The following MERTK variants were observed in gnomAD, a reference collection of about 807,000 sequenced individuals.
MERTK encodes the protein MER proto-oncogene, tyrosine kinase.
In MERTK, 69 loss-of-function variants were observed where a neutral mutation model predicts 99.3. That is an observed-to-expected ratio of 0.70 (90% CI 0.57 to 0.85). The LOEUF (loss-of-function observed/expected upper bound fraction) is 0.85. Ranked by LOEUF, MERTK falls within the 40% of genes least tolerant of loss-of-function variation. MERTK has a pLI of 0.00. For synonymous variants in MERTK, 426 were observed against 467.6 expected, an observed-to-expected ratio of 0.91 and a Z score of 1.15; for missense variants, 1,125 against 1,249.4, an observed-to-expected ratio of 0.90 and a Z score of 1.50.
In MERTK at chr2:112,001,237, G is replaced by A; in HGVS notation, c.1641G>A (p.Val547=). The A allele has an allele frequency of 6.2e-7, 1 of 1,613,778 alleles. No individual in the cohort carries two copies. Among genetic ancestry groups the A allele is most frequent in the Non-Finnish European group, 8.5e-7 (1 of 1,179,746 alleles). Reference sequence around the variant, plus strand: ...CAGAGGAGGATTCTGAATTAGTGGTGAATTATATAGCAAAGAAATCCTTCT... The same window carrying A: ...CAGAGGAGGATTCTGAATTAGTGGTAAATTATATAGCAAAGAAATCCTTCT... ...AFTEEDSELV[V]NYIAKKSFCR... The change falls in exon 11 of 19, where the codon GTG becomes GTA. Residue 547 remains valine, a synonymous_variant. Transcript: ENST00000295408.
intron 1 of MERTK, among the ~76,000 whole-genome samples, chr2:111,906,756 A>C (rs1334325041): frequency 1.3e-5 from 2 of 152,364 alleles, no homozygotes; most frequent in South Asian, 2.1e-4. Flanking sequence ...TAAAAAAAAG[A>C]AGCTTTTTAG....
chr2:111,945,611 A>G (rs1573590648), intron 3 of MERTK, among the ~76,000 whole-genome samples: 1 of 152,332 alleles, frequency 6.6e-6, no homozygotes. Flanking sequence ...ATGAAGGTCC[A>G]TGGGGATGAA....
intron 8 of MERTK, 43 bp downstream of exon 8, chr2:111,983,036 C>A (rs754574970): frequency 1.2e-6 from 2 of 1,611,484 alleles, no homozygotes; most frequent in Non-Finnish European, 1.7e-6. Flanking sequence ...CATCTCCTTT[C>A]AACTTGCTGG....
chr2:111,982,447 A>G (rs1676391489), intron 7 of MERTK, among the ~76,000 whole-genome samples: 1 of 152,000 alleles, frequency 6.6e-6, no homozygotes, highest in African/African-American at 2.4e-5. Context: ...CAGTGGTATG[A>G]TCATGTCTCA....
rs1684627963 is a variant in MERTK at position 111,929,432 on chromosome 2, A to T, written c.374A>T (p.Asp125Val). Residue 125 changes from aspartate to valine, a missense_variant, in exon 2 of 19, where the codon GAC (aspartate) becomes GTC (valine). Physicochemically the swap from Asp to Val is radical, Grantham distance 152 (BLOSUM62 -3). Coordinates refer to ENST00000295408, the MANE Select transcript of MERTK (RefSeq NM_006343.3). ...CSISVPNIYQ[D>V]TTISWWKDGK... Reference sequence around the variant, plus strand: ...ATCAGTGTACCTAATATATACCAGGACACCACAATTTCTTGGTGGAAAGAT... The same window carrying T: ...ATCAGTGTACCTAATATATACCAGGTCACCACAATTTCTTGGTGGAAAGAT... The T allele has an allele frequency of 6.2e-7, 1 of 1,613,974 alleles. No individual in the cohort carries two copies. The highest frequency in any genetic ancestry group is 1.3e-5 in the African/African-American group (1 of 74,904).
chr2:111,970,401 C>A (rs1676082024), intron 6 of MERTK, among the ~76,000 whole-genome samples: 2 of 152,062 alleles, frequency 1.3e-5, no homozygotes, highest in Admixed American at 1.3e-4. Flanking sequence ...AAGTGATCCA[C>A]CAGCCTCAGC....
Position 111,945,958 on chromosome 2 carries a change from G to T in MERTK, c.583+898G>T, listed in dbSNP as rs181812797. On this transcript the variant is annotated intron_variant, in intron 3 of 18. Transcript: ENST00000295408. The stretch of plus-strand genomic sequence containing the variant: ...GACCTTCCTTGTCACAGGCTTTAGA[G>T]CAGGTGATTAGCTTTTCAGTCAGAA... 3.3e-5 allele frequency among the ~76,000 whole-genome samples: 5 copies of T among 152,328 alleles called. 1 individual carries two copies. Among genetic ancestry groups the T allele is most frequent in the Admixed American group, 3.3e-4 (5 of 15,304 alleles).
At chr2:112,019,548 G>A (rs1457721909) in intron 16 of MERTK, 26 bp downstream of exon 16, 8 of 1,544,682 alleles carry the variant, frequency 5.2e-6, no homozygotes, top group Middle Eastern at 1.7e-4. Context: ...TATCCTGGAA[G>A]GGTTTGGACC....
chr2:111,901,701 A>C (rs1216392840), intron 1 of MERTK, among the ~76,000 whole-genome samples: 4 of 151,462 alleles, frequency 2.6e-5, no homozygotes, highest in African/African-American at 9.7e-5. Flanking sequence ...GACCACAGGC[A>C]CATACCACCA....
At position 111,999,000 on chromosome 2, in the gene MERTK, CATT is replaced by C. The variant is rs1484688743; in HGVS notation, c.1604+1527_1604+1529del. Among the ~76,000 whole-genome samples, 4 of 152,022 alleles carry C rather than the reference CATT, an allele frequency of 2.6e-5. No homozygotes were observed. The South Asian group carries it at 6.2e-4, about 24-fold the overall frequency. ...CTTTTATTTTTACTTATAAAAGTAA[CATT>C]ATATTTTTTTAAAAATCAGATTATA... On this transcript the variant is annotated intron_variant, in intron 10 of 18. Coordinates refer to ENST00000295408, the MANE Select transcript of MERTK (RefSeq NM_006343.3).
intron 2 of MERTK, among the ~76,000 whole-genome samples, chr2:111,942,145 T>A (rs1684876515): frequency 6.6e-6 from 1 of 152,170 alleles, no homozygotes; most frequent in Non-Finnish European, 1.5e-5. Flanking sequence ...CTGCTGCCAC[T>A]CCCGGGTCCC....
intron 8 of MERTK, among the ~76,000 whole-genome samples, chr2:111,992,786 T>G (rs978798095): frequency 6.8e-6 from 1 of 146,748 alleles, no homozygotes; most frequent in African/African-American, 2.5e-5. Context: ...AAGAAAAAAA[T>G]AATAAACCAG....
At chr2:111,926,983 G>A (rs1385719143) in intron 1 of MERTK, among the ~76,000 whole-genome samples, 3 of 152,206 alleles carry the variant, frequency 2.0e-5, no homozygotes, top group South Asian at 2.1e-4. Flanking sequence ...CCTAGCATAA[G>A]TGAACACTCC....
chr2:111,932,795 G>A (rs1184812379), intron 2 of MERTK, among the ~76,000 whole-genome samples: 1 of 152,146 alleles, frequency 6.6e-6, no homozygotes, highest in African/African-American at 2.4e-5. Context: ...AGCTTGGAAT[G>A]TTTGTATGTT....
intron 15 of MERTK, 169 bp downstream of exon 15, chr2:112,010,235 C>T: frequency 1.5e-6 from 1 of 654,984 alleles, no homozygotes; most frequent in South Asian, 1.5e-5. Flanking sequence ...ATCCTCACAG[C>T]AGGCCTGCTC....
chr2:111,981,141 A>T (rs1332859354), intron 7 of MERTK, among the ~76,000 whole-genome samples: 3 of 152,208 alleles, frequency 2.0e-5, no homozygotes, highest in African/African-American at 7.2e-5. Flanking sequence ...ATCAGCAGAG[A>T]AAAAGAGGGT....
chr2:111,939,994 G>T (rs867036577), intron 2 of MERTK, among the ~76,000 whole-genome samples: 1 of 151,880 alleles, frequency 6.6e-6, no homozygotes, highest in Admixed American at 6.6e-5. Context: ...GTCTAATCAG[G>T]TTCCCTCTGG....
chr2:111,980,913 C>G (rs931666778), intron 7 of MERTK, among the ~76,000 whole-genome samples: 1 of 152,166 alleles, frequency 6.6e-6, no homozygotes. Context: ...ACTGTTGACT[C>G]CTCTTTGCCT....
rs534493959 is a variant in MERTK at position 111,995,542 on chromosome 2, G to C, written c.1450+1138G>C. The C allele has an allele frequency of 4.8e-5, 9 of 188,474 alleles. No individual in the cohort carries two copies. In the East Asian group the frequency reaches 1.5e-3, roughly 32 times the overall value. The allele number at this position is 188,474 out of a possible 1,614,324, so 11.7% of individuals were successfully genotyped here. A position where few individuals can be genotyped will look rare whatever the true frequency, so the allele number is the denominator to read the frequency against. On this transcript the variant is annotated intron_variant, in intron 9 of 18. Coordinates refer to ENST00000295408, the MANE Select transcript of MERTK (RefSeq NM_006343.3). Reference sequence around the variant, plus strand: ...GACACTGAAACTTGCTCTCCCTTTTGGTGCTGAAATGGAACCATATTACGT... The same window carrying C: ...GACACTGAAACTTGCTCTCCCTTTTCGTGCTGAAATGGAACCATATTACGT...
Sources: allele counts gnomAD v4.1 joint callset (sites outside exome capture counted in the v4.1 genomes callset), GRCh38; gene constraint gnomAD v4.1.1; transcripts MANE v1.5; gene names NCBI Gene and HGNC (gene_info 2026-07-23, HGNC 2026-07-21).